The following CEP44 variants were observed in gnomAD, a reference collection of about 807,000 sequenced individuals.
CEP44 encodes centrosomal protein of 44 kDa.
A neutral mutation model predicts 46.7 loss-of-function variants in CEP44; 45 were observed. That is an observed-to-expected ratio of 0.96 (90% CI 0.76 to 1.24). The LOEUF is 1.24. Ranked by LOEUF, CEP44 falls within the 50% of genes most tolerant of loss-of-function variation. The pLI is 0.00. For synonymous variants in CEP44, 142 were observed against 146.0 expected, an observed-to-expected ratio of 0.97 and a Z score of 0.20; for missense variants, 475 against 459.7, an observed-to-expected ratio of 1.03 and a Z score of -0.30.
chr4:174,316,365 C>A (rs1656196860), intron 10 of CEP44, 75 bp downstream of exon 10: 3 of 1,487,500 alleles, frequency 2.0e-6, no homozygotes, highest in Non-Finnish European at 1.9e-6. Context: ...GTAAATATTG[C>A]TAGCAAGAAA....
intron 6 of CEP44, 148 bp downstream of exon 6, chr4:174,304,517 T>C: frequency 9.8e-7 from 1 of 1,019,854 alleles, no homozygotes; most frequent in South Asian, 1.8e-5. Flanking sequence ...CCATATATTT[T>C]TGGGCAGTAT....
chr4:174,285,120 C>G (rs2126471798), intron 1 of CEP44, among the ~76,000 whole-genome samples: 1 of 152,286 alleles, frequency 6.6e-6, no homozygotes, highest in African/African-American at 2.4e-5. Context: ...TTGAGAGCTT[C>G]TTTATTATTG....
chr4:174,310,065 C>T lies in CEP44; in HGVS notation c.885+9C>T. On this transcript the variant is annotated intron_variant, in intron 8 of 11. Coordinates refer to ENST00000503780, the MANE Select transcript of CEP44 (RefSeq NM_001040157.3). This position sits in a 1 kb window ranked among gnomAD's most constrained non-coding sequence, Gnocchi z 4.2. ...TGCTTTTGTCTAAAAAGGTATTTTC[C>T]TCCTTTAACATTTATAAAATATCTC... The T allele has an allele frequency of 6.2e-7, 1 of 1,606,680 alleles. No individual in the cohort carries two copies. The highest frequency in any genetic ancestry group is 2.2e-5 in the East Asian group (1 of 44,644).
exon 9 of CEP44, chr4:174,333,371 T>G (rs138355594): frequency 1.3e-5 from 2 of 150,520 alleles, no homozygotes; most frequent in African/African-American, 4.9e-5. Flanking sequence ...AAAATAAATA[T>G]GTCAGCAGGC....
chr4:174,327,656 G>A (rs967458313), intron 8 of CEP44, among the ~76,000 whole-genome samples: 2 of 152,112 alleles, frequency 1.3e-5, no homozygotes, highest in Non-Finnish European at 2.9e-5. Context: ...AGAATATGAT[G>A]TATGACAAAT....
At chr4:174,307,678 C>T (rs1740582541) in intron 6 of CEP44, among the ~76,000 whole-genome samples, 1 of 152,142 alleles carries the variant, frequency 6.6e-6, no homozygotes, top group Admixed American at 6.5e-5. Context: ...AACAGACACC[C>T]TCCGGAGTGG....
chr4:174,323,384 T>G (rs574014392), downstream of CEP44, among the ~76,000 whole-genome samples: 1 of 152,134 alleles, frequency 6.6e-6, no homozygotes, highest in Non-Finnish European at 1.5e-5. Flanking sequence ...AGTCATACAT[T>G]CATATAGCCA....
At chr4:174,299,734 T>C (rs562965172) in intron 3 of CEP44, among the ~76,000 whole-genome samples, 1 of 152,320 alleles carries the variant, frequency 6.6e-6, no homozygotes, top group South Asian at 2.1e-4. Context: ...AAGATTGCGC[T>C]TAAGCTCTCC....
chr4:174,328,090 A>G (rs1256852257), intron 8 of CEP44, among the ~76,000 whole-genome samples: 1 of 152,198 alleles, frequency 6.6e-6, no homozygotes, highest in Non-Finnish European at 1.5e-5. Context: ...GTTGTCCCAA[A>G]TAGGTGTCAG....
intron 8 of CEP44, among the ~76,000 whole-genome samples, chr4:174,327,454 A>C (rs1339078124): frequency 6.6e-6 from 1 of 151,938 alleles, no homozygotes; most frequent in African/African-American, 2.4e-5. Flanking sequence ...AAGATTATAC[A>C]TATTAAAGAA....
rs1013314561 is a variant in CEP44 at position 174,318,003 on chromosome 4, G to A, written c.*620G>A. ...ATGGTCCTCAAGTTTAGACCAAGAG[G>A]ACTATGGTCTCAAGGTTCACCATGA... On this transcript the variant is annotated 3_prime_UTR_variant, in exon 12 of 12. Transcript: ENST00000503780. 9.1e-6 allele frequency: 9 copies of A among 984,856 alleles called. No homozygotes were observed. Among genetic ancestry groups the A allele is most frequent in the Non-Finnish European group, 9.6e-6 (8 of 829,420 alleles). The allele number at this position is 984,856 out of a possible 1,614,324, so 61.0% of individuals were successfully genotyped here. A position where few individuals can be genotyped will look rare whatever the true frequency, so the allele number is the denominator to read the frequency against.
At chr4:174,298,302 A>G (rs937635792) in intron 2 of CEP44, among the ~76,000 whole-genome samples, 1 of 146,912 alleles carries the variant, frequency 6.8e-6, no homozygotes, top group East Asian at 2.0e-4. Context: ...CAGCCTCCCA[A>G]GTAGCTGGGA....
downstream of CEP44, among the ~76,000 whole-genome samples, chr4:174,321,325 C>T (rs1042776631): frequency 1.3e-5 from 2 of 152,144 alleles, no homozygotes; most frequent in African/African-American, 2.4e-5. Context: ...TTGCAATTCA[C>T]ATTTAGTATC....
chr4:174,303,619 T>G, intron 4 of CEP44, 84 bp from the exon 5 acceptor site: 1 of 814,908 alleles, frequency 1.2e-6, no homozygotes, highest in South Asian at 2.4e-5. Context: ...GTGGCCATTA[T>G]TCCCCTGACC....
rs1007513649 is a variant in CEP44, at chr4:174,287,172, A to T, written c.-148+3229A>T. On this transcript the variant is annotated intron_variant, in intron 1 of 11. Coordinates refer to ENST00000503780, the MANE Select transcript of CEP44 (RefSeq NM_001040157.3). This position sits in a 1 kb window ranked among gnomAD's most constrained non-coding sequence, Gnocchi z 5.1. ...CTAGGCCATTGGGATATAGGTCGTT[A>T]TGGGACCCCAGGTAGTAACCCAGCT... Among the ~76,000 whole-genome samples the T allele has an allele frequency of 6.6e-6, 1 of 152,134 alleles. No homozygotes were observed. Among genetic ancestry groups the T allele is most frequent in the Non-Finnish European group, 1.5e-5 (1 of 68,016 alleles).
rs1178211099 is a variant in CEP44 at position 174,310,370 on chromosome 4, T to C, written c.885+314T>C. Among the ~76,000 whole-genome samples, 1 of 151,984 alleles carries C rather than the reference T, an allele frequency of 6.6e-6. No homozygotes were observed. Among genetic ancestry groups the C allele is most frequent in the African/African-American group, 2.4e-5 (1 of 41,434 alleles). ...CTTAAAATTATTTTATATCTTTTAATAGTACAAATAACCTATTTTCATAGG... is the reference window on the plus strand; with the variant it reads ...CTTAAAATTATTTTATATCTTTTAACAGTACAAATAACCTATTTTCATAGG... On this transcript the variant is annotated intron_variant, in intron 8 of 11. Coordinates refer to ENST00000503780, the MANE Select transcript of CEP44 (RefSeq NM_001040157.3). The surrounding 1 kb of genome is among the most constrained non-coding windows in gnomAD (Gnocchi z 4.2).
rs1166822670 is a variant in CEP44, at chr4:174,312,313, A to ACTCTGCTGCTCAGGCTGG, written c.961+1456_961+1473dup. Among the ~76,000 whole-genome samples, 15 of 150,854 alleles carry ACTCTGCTGCTCAGGCTGG rather than the reference A, an allele frequency of 9.9e-5. No individual in the cohort carries two copies. Among genetic ancestry groups the ACTCTGCTGCTCAGGCTGG allele is most frequent in the Non-Finnish European group, 1.6e-4 (11 of 67,840 alleles). On this transcript the variant is annotated intron_variant, in intron 9 of 11. Transcript: ENST00000503780. The surrounding 1 kb of genome is among the most constrained non-coding windows in gnomAD (Gnocchi z 4.5). ...ATTTTTTTGAGATAAGTGTGGTCTT[A>ACTCTGCTGCTCAGGCTGG]CTCTGCTGCTCAGGCTGGAGTGCAG...
intron 1 of CEP44, among the ~76,000 whole-genome samples, chr4:174,293,185 GACAA>G (rs1156787049): frequency 1.3e-5 from 2 of 152,244 alleles, no homozygotes; most frequent in Non-Finnish European, 2.9e-5. Context: ...TGGGTTCCCA[GACAA>G]ACAAGTCTTC....
chr4:174,328,504 A>G (rs1731127664), intron 8 of CEP44, among the ~76,000 whole-genome samples: 1 of 152,232 alleles, frequency 6.6e-6, no homozygotes, highest in Non-Finnish European at 1.5e-5. Context: ...GGAGGAAGCC[A>G]ATATCTCGAA....
Sources: allele counts gnomAD v4.1 joint callset (sites outside exome capture counted in the v4.1 genomes callset), GRCh38; gene constraint gnomAD v4.1.1; non-coding constraint Gnocchi (gnomAD v3.1); transcripts MANE v1.5; gene names NCBI Gene and HGNC (gene_info 2026-07-23, HGNC 2026-07-21).